The following MARCHF1 variants were observed in gnomAD, a reference collection of about 807,000 sequenced individuals.
The protein encoded by MARCHF1 is membrane associated ring-CH-type finger 1.
A neutral mutation model predicts 54.2 loss-of-function variants in MARCHF1; 40 were observed. The ratio of observed to expected loss-of-function variants is 0.74; its 90% CI spans 0.57 to 0.96. The LOEUF (loss-of-function observed/expected upper bound fraction) is 0.96. Ranked by LOEUF, MARCHF1 falls within the 40% of genes least tolerant of loss-of-function variation. MARCHF1 has a pLI of 0.00. For synonymous variants in MARCHF1, 236 were observed against 236.3 expected, an observed-to-expected ratio of 1.00 and a Z score of 0.01; for missense variants, 586 against 656.5, an observed-to-expected ratio of 0.89 and a Z score of 1.17.
At chr4:164,189,819 G>T in intron 1 of MARCHF1, 1 of 1,590,542 alleles carries the variant, frequency 6.3e-7, no homozygotes, top group Non-Finnish European at 8.6e-7. Context: ...GGGTACATTT[G>T]ATCTGACTGG....
At chr4:164,200,831 T>A (rs956555040) in intron 1 of MARCHF1, among the ~76,000 whole-genome samples, 1 of 151,990 alleles carries the variant, frequency 6.6e-6, no homozygotes, top group Non-Finnish European at 1.5e-5. Flanking sequence ...CAGCCATAGG[T>A]GTATGCAGGT....
intron 1 of MARCHF1, among the ~76,000 whole-genome samples, chr4:164,144,201 G>C (rs1729600178): frequency 6.6e-6 from 1 of 150,444 alleles, no homozygotes; most frequent in Non-Finnish European, 1.5e-5. Flanking sequence ...AAGAGACTTA[G>C]ACTCCCACAC....
At chr4:163,576,301 A>C (rs1031234248) in intron 8 of MARCHF1, among the ~76,000 whole-genome samples, 14 of 152,036 alleles carry the variant, frequency 9.2e-5, no homozygotes, top group African/African-American at 3.1e-4. Flanking sequence ...GTTTACTCAA[A>C]AGTCATTTAG....
intron 3 of MARCHF1, among the ~76,000 whole-genome samples, chr4:163,868,934 T>C (rs1750111316): frequency 1.3e-5 from 2 of 151,942 alleles, no homozygotes; most frequent in African/African-American, 2.4e-5. Context: ...AGCTATAACA[T>C]GACACATGTT....
chr4:163,759,145 G>T (rs574546044), intron 4 of MARCHF1, among the ~76,000 whole-genome samples: 2 of 148,766 alleles, frequency 1.3e-5, no homozygotes, highest in African/African-American at 4.9e-5. Context: ...TATTCATGCT[G>T]GTTTCTTTTT....
At position 163,886,133 on chromosome 4, in the gene MARCHF1, ATAGATCTATAAATATG is replaced by A. The variant is rs1271578355; in HGVS notation, c.-38-31980_-38-31965del. The stretch of plus-strand genomic sequence containing the variant: ...TAATTGGATATTTATATCTAGAGAG[ATAGATCTATAAATATG>A]TAGATCTATAAATAGATCTATATAT... On this transcript the variant is annotated intron_variant, in intron 3 of 9. Transcript: ENST00000514618. Among the ~76,000 whole-genome samples the A allele has an allele frequency of 1.9e-3, 290 of 149,704 alleles. 1 individual carries two copies. Among genetic ancestry groups the A allele is most frequent in the African/African-American group, 6.9e-3 (283 of 40,978 alleles).
chr4:163,706,219 T>C (rs930958429), intron 4 of MARCHF1, among the ~76,000 whole-genome samples: 2 of 152,040 alleles, frequency 1.3e-5, no homozygotes, highest in Admixed American at 1.3e-4. Context: ...CATGCTTTTT[T>C]CCTACTGCTC....
chr4:164,168,144 A>C (rs1405354711), intron 1 of MARCHF1, among the ~76,000 whole-genome samples: 1 of 152,056 alleles, frequency 6.6e-6, no homozygotes, highest in Non-Finnish European at 1.5e-5. Context: ...ACATAAACAT[A>C]GCCAACGTGT....
chr4:163,731,166 T>G (rs753012079), intron 4 of MARCHF1, among the ~76,000 whole-genome samples: 2 of 152,164 alleles, frequency 1.3e-5, no homozygotes, highest in Non-Finnish European at 2.9e-5. Flanking sequence ...CCTCTACATA[T>G]CCAATTAATT....
chr4:164,137,789 G>A (rs1756433420), intron 1 of MARCHF1, among the ~76,000 whole-genome samples: 1 of 152,008 alleles, frequency 6.6e-6, no homozygotes, highest in Non-Finnish European at 1.5e-5. Flanking sequence ...TGTTATGATA[G>A]AACTAAAATC....
intron 2 of MARCHF1, among the ~76,000 whole-genome samples, chr4:164,016,312 A>T (rs906521914): frequency 6.6e-5 from 10 of 152,254 alleles, no homozygotes; most frequent in African/African-American, 1.9e-4. Context: ...TTATAAAGCC[A>T]TCAGATCTCA....
intron 4 of MARCHF1, among the ~76,000 whole-genome samples, chr4:163,769,060 A>G (rs2110859635): frequency 6.6e-6 from 1 of 152,318 alleles, no homozygotes; most frequent in Non-Finnish European, 1.5e-5. Flanking sequence ...ACTATTGTAG[A>G]GAGAGGTCTC....
intron 1 of MARCHF1, among the ~76,000 whole-genome samples, chr4:164,356,620 G>C (rs938643388): frequency 9.9e-5 from 14 of 141,842 alleles, no homozygotes; most frequent in African/African-American, 3.3e-4. Context: ...TGGTGGGGTG[G>C]GGGGAGTGGG....
At chr4:163,987,679 A>G (rs2110885212) in intron 3 of MARCHF1, among the ~76,000 whole-genome samples, 1 of 152,332 alleles carries the variant, frequency 6.6e-6, no homozygotes, top group Non-Finnish European at 1.5e-5. Flanking sequence ...AGAAGATTAC[A>G]GTTTCCGGCA....
chr4:163,652,829 G>A (rs917010772), intron 5 of MARCHF1, among the ~76,000 whole-genome samples: 1 of 151,812 alleles, frequency 6.6e-6, no homozygotes, highest in African/African-American at 2.4e-5. Flanking sequence ...CCAGTTGCCT[G>A]CCTGAAGTCC....
chr4:163,704,691 A>G (rs1744900927), intron 4 of MARCHF1, among the ~76,000 whole-genome samples: 1 of 151,746 alleles, frequency 6.6e-6, no homozygotes, highest in Admixed American at 6.6e-5. Context: ...CAGAAGCTAT[A>G]GAATATATAA....
At chr4:163,780,957 A>G (rs576246806) in intron 4 of MARCHF1, among the ~76,000 whole-genome samples, 37 of 152,358 alleles carry the variant, frequency 2.4e-4, no homozygotes, top group Non-Finnish European at 4.3e-4. Context: ...GTAATTTTCC[A>G]TCAGAGCCCG....
At chr4:163,530,561 A>G (rs1371518803) in intron 9 of MARCHF1, 1 of 151,950 alleles carries the variant, frequency 6.6e-6, no homozygotes, top group African/African-American at 2.4e-5. Flanking sequence ...TTTTGGGGAA[A>G]AAATGTTCTC....
chr4:163,680,067 AT>A (rs1307236176), intron 5 of MARCHF1, among the ~76,000 whole-genome samples: 8 of 150,728 alleles, frequency 5.3e-5, no homozygotes, highest in Non-Finnish European at 1.0e-4. Flanking sequence ...CCTGTTTTAA[AT>A]TTTTTAATGT....
Sources: allele counts gnomAD v4.1 joint callset (sites outside exome capture counted in the v4.1 genomes callset), GRCh38; gene constraint gnomAD v4.1.1; transcripts MANE v1.5; gene names NCBI Gene and HGNC (gene_info 2026-07-23, HGNC 2026-07-21).